Variants in WDR76 observed in about 807,000 individuals in gnomAD.
The protein encoded by WDR76 is WD repeat-containing protein 76.
WDR76 carries 52 observed loss-of-function variants against 70.2 expected under a neutral mutation model. That is an observed-to-expected ratio of 0.74 (90% confidence interval 0.59 to 0.93). The LOEUF is 0.93. Among genes scored for constraint, WDR76 ranks in the 40% least tolerant of loss-of-function variants. The probability of loss-of-function intolerance (pLI) is 0.00; values close to 1 mark genes in which losing one functional copy is unlikely to be tolerated. For synonymous variants in WDR76, 292 were observed against 271.1 expected (o/e 1.08, Z -0.76); for missense variants, 756 against 760.2 (o/e 0.99, Z 0.07).
At chr15:43,852,215 C>T (rs944354215) in intron 9 of WDR76, among the ~76,000 whole-genome samples, 3 of 152,086 alleles carry the variant, frequency 2.0e-5, no homozygotes, top group African/African-American at 7.2e-5. Flanking sequence ...CGGAGTTTTA[C>T]TCTCGTCACC....
rs1159032845 is a variant in WDR76 at position 43,835,042 on chromosome 15, T to G, written c.463-19T>G. ...TAGATTATATAAAGTAATGGAATCT[T>G]TTTGGTGTAATTTTATAGGATTTTT... On this transcript the variant is annotated intron_variant, in intron 2 of 12. Transcript: ENST00000263795. 2.5e-6 allele frequency: 4 copies of G among 1,604,508 alleles called. No homozygotes were observed. Among genetic ancestry groups the G allele is most frequent in the East Asian group, 4.5e-5 (2 of 44,804 alleles).
chr15:43,861,364 A>G lies in WDR76; in HGVS notation c.1594A>G (p.Ile532Val), dbSNP rs777789908. The change falls in exon 12 of 13, where the codon ATT becomes GTT. Residue 532 changes from isoleucine (I) to valine (V), a missense_variant. Transcript: ENST00000263795. ...IFDSSCISSK[I>V]PLLTTIRHNT... ...TGACAGCAGCTGTATATCTTCTAAG[A>G]TTCCGCTCCTCACCACCATCAGGTA... 2.4e-5 allele frequency: 38 copies of G among 1,613,934 alleles called. No homozygotes were observed. The highest frequency in any genetic ancestry group is 1.5e-4 in the Admixed American group (9 of 60,000).
intron 12 of WDR76, chr15:43,864,003 G>A (rs1280056980): frequency 6.6e-6 from 1 of 152,198 alleles, no homozygotes; most frequent in Non-Finnish European, 1.5e-5. Context: ...CTTTGAACCA[G>A]CCTCAGCTTT....
intron 2 of WDR76, among the ~76,000 whole-genome samples, chr15:43,831,242 AAAAT>A (rs1260379809): frequency 1.3e-4 from 19 of 151,930 alleles, no homozygotes; most frequent in Non-Finnish European, 2.5e-4. Flanking sequence ...AAAAAAGTAA[AAAAT>A]AAAGCCTCCC....
At chr15:43,830,526 C>G (rs1005271171) in intron 2 of WDR76, among the ~76,000 whole-genome samples, 1 of 145,092 alleles carries the variant, frequency 6.9e-6, no homozygotes, top group South Asian at 2.1e-4. Context: ...CGTGCTGTTG[C>G]ACTCCAGCCT....
chr15:43,857,533 T>A (rs1484837530), intron 10 of WDR76: 11 of 985,256 alleles, frequency 1.1e-5, no homozygotes, highest in African/African-American at 1.7e-5. Context: ...AACTAGAAAC[T>A]TGACAGCTGG....
chr15:43,843,060 A>G (rs2087746884), intron 7 of WDR76, among the ~76,000 whole-genome samples: 3 of 116,714 alleles, frequency 2.6e-5, no homozygotes, highest in South Asian at 4.9e-4. Flanking sequence ...GTCTCCCTCT[A>G]TCGCTTAGGC....
intron 2 of WDR76, among the ~76,000 whole-genome samples, chr15:43,830,883 C>A (rs2087579074): frequency 6.6e-6 from 1 of 152,024 alleles, no homozygotes. Flanking sequence ...CCTGTCTCTC[C>A]TAAATATAAC....
chr15:43,862,842 C>T (rs918514687), intron 12 of WDR76, among the ~76,000 whole-genome samples: 9 of 152,164 alleles, frequency 5.9e-5, no homozygotes, highest in Admixed American at 1.3e-4. Flanking sequence ...TGAGGTTTCT[C>T]CACATTGGTT....
rs778746129 is a variant in WDR76 at position 43,857,073 on chromosome 15, A to T, written c.1319A>T (p.Tyr440Phe). The T allele has an allele frequency of 4.2e-5, 68 of 1,614,004 alleles. No individual in the cohort carries two copies. The highest frequency in any genetic ancestry group is 8.0e-5 in the African/African-American group (6 of 74,930). ...LVDRRTPGTS[Y>F]EKLTSSSMGK... Reference sequence around the variant, plus strand: ...GATAGACGGACACCTGGAACTTCTTATGAGAAACTTACCAGTTCTTCTATG... The same window carrying T: ...GATAGACGGACACCTGGAACTTCTTTTGAGAAACTTACCAGTTCTTCTATG... The change falls in exon 10 of 13, where the codon TAT (tyrosine) becomes TTT (phenylalanine). Residue 440 changes from tyrosine (Y) to phenylalanine (F), a missense_variant. Physicochemically the swap from Tyr to Phe is conservative, Grantham distance 22. Coordinates refer to ENST00000263795, the MANE Select transcript of WDR76 (RefSeq NM_024908.4).
chr15:43,855,353 G>A (rs2087915242), intron 9 of WDR76, among the ~76,000 whole-genome samples: 2 of 152,166 alleles, frequency 1.3e-5, no homozygotes, highest in Non-Finnish European at 2.9e-5. Flanking sequence ...GGTTGCTCAA[G>A]GACATAGATG....
chr15:43,848,874 GTTGC>G (rs2087820843), intron 8 of WDR76, among the ~76,000 whole-genome samples: 1 of 151,672 alleles, frequency 6.6e-6, no homozygotes, highest in East Asian at 1.9e-4. Context: ...GGAGGCAGAG[GTTGC>G]AGTGAGCCGG....
intron 9 of WDR76, among the ~76,000 whole-genome samples, chr15:43,855,084 C>T (rs1054828438): frequency 6.6e-6 from 1 of 152,094 alleles, no homozygotes. Context: ...TTGCCTTTTT[C>T]TGAATGTCAG....
At chr15:43,837,051 A>AC (rs1161544241) in intron 4 of WDR76, among the ~76,000 whole-genome samples, 7 of 151,620 alleles carry the variant, frequency 4.6e-5, no homozygotes, top group Non-Finnish European at 8.8e-5. Flanking sequence ...ACAAAAAAAA[A>AC]AAAAACAAAA....
At chr15:43,857,237 G>T in intron 10 of WDR76, 74 bp downstream of exon 10, 1 of 1,397,380 alleles carries the variant, frequency 7.2e-7, no homozygotes, top group Non-Finnish European at 9.7e-7. Flanking sequence ...GGTTGTCAAA[G>T]ATATTGTAAT....
At chr15:43,844,926 T>TAAAAAAA (rs1163275078) in intron 8 of WDR76, among the ~76,000 whole-genome samples, 2 of 15,528 alleles carry the variant, frequency 1.3e-4, no homozygotes, top group African/African-American at 5.2e-4. Context: ...AGACTCTGTG[T>TAAAAAAA]AAAAAAAAAA....
intron 1 of WDR76, 54 bp downstream of exon 1, chr15:43,827,146 G>A (rs2141718119): frequency 1.9e-6 from 3 of 1,612,936 alleles, no homozygotes; most frequent in Non-Finnish European, 2.5e-6. Context: ...TTTTTGTGAG[G>A]GTTATGCGGG....
chr15:43,857,248 A>G lies in WDR76; in HGVS notation c.1409+85A>G, dbSNP rs968392466. ...GTTTGGTTGTCAAAGATATTGTAAT[A>G]CAATATTACAAAAGGTATTACTTTT... On this transcript the variant is annotated intron_variant, in intron 10 of 12. Coordinates refer to ENST00000263795, the MANE Select transcript of WDR76 (RefSeq NM_024908.4). The G allele has an allele frequency of 1.4e-5, 19 of 1,314,070 alleles. No homozygotes were observed. The Admixed American group carries it at 2.4e-4, about 17-fold the overall frequency. 81.4% of individuals were successfully genotyped at this position (1,314,070 alleles called of 1,614,324 possible). A position where few individuals can be genotyped will look rare whatever the true frequency, so the allele number is the denominator to read the frequency against.
intron 5 of WDR76, among the ~76,000 whole-genome samples, chr15:43,841,178 G>A (rs898602077): frequency 3.4e-5 from 5 of 148,932 alleles, no homozygotes; most frequent in East Asian, 2.0e-4. Flanking sequence ...GTGCTACCAC[G>A]CCTGGCTAAG....
Sources: gnomAD v4.1 joint callset for allele counts (sites outside exome capture counted in the v4.1 genomes callset) on GRCh38, gnomAD v4.1.1 for gene constraint, MANE v1.5 for transcripts, NCBI Gene and HGNC (gene_info 2026-07-23, HGNC 2026-07-21) for gene names.